The following FSTL4 variants were observed in gnomAD, a reference collection of about 807,000 sequenced individuals.
FSTL4 encodes follistatin like 4.
FSTL4 carries 28 observed loss-of-function variants against 78.2 expected under a neutral mutation model. The ratio of observed to expected loss-of-function variants is 0.36; its 90% confidence interval spans 0.27 to 0.49. The LOEUF (loss-of-function observed/expected upper bound fraction) is 0.49. FSTL4 is among the 20% of genes least tolerant of loss of function. The probability of loss-of-function intolerance (pLI) is 0.98; values close to 1 mark genes in which losing one functional copy is unlikely to be tolerated. For synonymous variants in FSTL4, 422 were observed against 440.5 expected (o/e 0.96, Z 0.53); for missense variants, 922 against 1,084.9 (o/e 0.85, Z 2.11).
chr5:133,249,912 C>T lies in FSTL4; in HGVS notation c.728-336G>A, dbSNP rs1391280918. 2.0e-5 allele frequency among the ~76,000 whole-genome samples: 3 copies of T among 152,220 alleles called. No individual in the cohort carries two copies. In the East Asian group the frequency reaches 5.8e-4, roughly 29 times the overall value. ...GGCCCACCACAGAGAGACCGGGGGG[C>T]AGGGGTGCAGCGCCCTGCTCACAGC... On this transcript the variant is annotated intron_variant, in intron 6 of 15. Coordinates refer to ENST00000265342, the MANE Select transcript of FSTL4 (RefSeq NM_015082.2).
At chr5:133,232,741 G>T (rs1485400959) in intron 8 of FSTL4, among the ~76,000 whole-genome samples, 2 of 152,202 alleles carry the variant, frequency 1.3e-5, no homozygotes, top group African/African-American at 4.8e-5. Flanking sequence ...ACTGGATTAA[G>T]ATACGTGGAT....
intron 4 of FSTL4, among the ~76,000 whole-genome samples, chr5:133,351,443 C>T (rs1186605826): frequency 6.6e-6 from 1 of 152,178 alleles, no homozygotes; most frequent in Non-Finnish European, 1.5e-5. Context: ...TTTTCACCTT[C>T]TATAACTCCT....
At chr5:133,767,993 T>C in the FSTL4 span, among the ~76,000 whole-genome samples, 62 of 152,268 alleles carry the variant, frequency 4.1e-4, no homozygotes, top group African/African-American at 1.4e-3. Context: ...GGAAAGGATT[T>C]TGAAAGAAGA....
intron 12 of FSTL4, among the ~76,000 whole-genome samples, chr5:133,219,473 C>T (rs1329335464): frequency 6.6e-6 from 1 of 152,192 alleles, no homozygotes; most frequent in Admixed American, 6.5e-5. Context: ...GAAGGCTATG[C>T]CTTTATCTGT....
At chr5:133,776,989 G>T in the FSTL4 span, among the ~76,000 whole-genome samples, 2 of 152,216 alleles carry the variant, frequency 1.3e-5, no homozygotes, top group East Asian at 3.9e-4. Flanking sequence ...CCACCCCTAA[G>T]ATAGTACCTC....
chr5:133,697,594 T>C, the FSTL4 span, among the ~76,000 whole-genome samples: 1 of 152,238 alleles, frequency 6.6e-6, no homozygotes, highest in Non-Finnish European at 1.5e-5. Flanking sequence ...AATCTCTTTA[T>C]TTTTAAGAGG....
chr5:133,796,814 G>A, the FSTL4 span, among the ~76,000 whole-genome samples: 2 of 152,106 alleles, frequency 1.3e-5, no homozygotes, highest in Non-Finnish European at 2.9e-5. Flanking sequence ...CCCATTTAGG[G>A]CCTCGGGTAT....
chr5:133,740,205 C>G, the FSTL4 span, among the ~76,000 whole-genome samples: 1 of 152,098 alleles, frequency 6.6e-6, no homozygotes, highest in Non-Finnish European at 1.5e-5. Flanking sequence ...CTCTTAAGTT[C>G]TAAGTGATAC....
At chr5:133,450,458 A>C (rs751983247) in intron 3 of FSTL4, among the ~76,000 whole-genome samples, 16 of 152,206 alleles carry the variant, frequency 1.1e-4, no homozygotes, top group Admixed American at 2.0e-4. Flanking sequence ...CACACCGAGC[A>C]CTCACGGCCC....
the FSTL4 span, among the ~76,000 whole-genome samples, chr5:133,732,292 C>T: frequency 1.2e-4 from 18 of 152,270 alleles, no homozygotes; most frequent in African/African-American, 4.3e-4. Flanking sequence ...TGGGCCTGCA[C>T]TGTGGGCCCC....
At chr5:133,798,952 G>A in the FSTL4 span, among the ~76,000 whole-genome samples, 1 of 113,824 alleles carries the variant, frequency 8.8e-6, no homozygotes, top group Non-Finnish European at 1.9e-5. Context: ...GGATAAGGAA[G>A]GGAGGGAGGG....
chr5:133,681,688 C>A, the FSTL4 span, among the ~76,000 whole-genome samples: 7 of 152,062 alleles, frequency 4.6e-5, no homozygotes, highest in Admixed American at 2.6e-4. Flanking sequence ...AGGAATTGGA[C>A]CCCCCATGAG....
At chr5:133,360,676 T>C (rs1162866623) in intron 4 of FSTL4, among the ~76,000 whole-genome samples, 16 of 152,170 alleles carry the variant, frequency 1.1e-4, no homozygotes, top group Non-Finnish European at 2.4e-4. Flanking sequence ...ATTGTCCAAT[T>C]ATGCTCAGTA....
At chr5:133,331,326 C>T (rs1754341302) in intron 4 of FSTL4, among the ~76,000 whole-genome samples, 1 of 152,118 alleles carries the variant, frequency 6.6e-6, no homozygotes, top group Non-Finnish European at 1.5e-5. Flanking sequence ...CTGTGTTGAT[C>T]TTCAGCTTCT....
chr5:133,333,174 A>G (rs1047375693), intron 4 of FSTL4, among the ~76,000 whole-genome samples: 1 of 152,176 alleles, frequency 6.6e-6, no homozygotes, highest in Non-Finnish European at 1.5e-5. Context: ...GGAGGCTCCT[A>G]TGCAGCTGGC....
chr5:133,281,484 A>T (rs1753009292), intron 6 of FSTL4, among the ~76,000 whole-genome samples: 1 of 152,080 alleles, frequency 6.6e-6, no homozygotes, highest in Non-Finnish European at 1.5e-5. Flanking sequence ...CATTGTACAG[A>T]TGAGAAAACT....
chr5:133,274,535 A>G (rs1475196297), intron 6 of FSTL4, among the ~76,000 whole-genome samples: 1 of 152,118 alleles, frequency 6.6e-6, no homozygotes, highest in Non-Finnish European at 1.5e-5. Flanking sequence ...AGAAGACAGC[A>G]GTATTCTGCC....
intron 7 of FSTL4, among the ~76,000 whole-genome samples, chr5:133,241,861 C>T (rs1169879658): frequency 1.3e-5 from 2 of 152,208 alleles, no homozygotes; most frequent in Admixed American, 6.5e-5. Context: ...TTGGACCACA[C>T]TCACAGCCAT....
At chr5:133,545,672 T>C (rs1759560196) in intron 3 of FSTL4, among the ~76,000 whole-genome samples, 1 of 152,212 alleles carries the variant, frequency 6.6e-6, no homozygotes, top group Admixed American at 6.5e-5. Flanking sequence ...CCTGAAAATG[T>C]TGAAGCAGCT....
Sources: allele counts gnomAD v4.1 joint callset (sites outside exome capture counted in the v4.1 genomes callset), GRCh38; gene constraint gnomAD v4.1.1; transcripts MANE v1.5; gene names NCBI Gene and HGNC (gene_info 2026-07-23, HGNC 2026-07-21).